Variants in DPP10 observed in about 807,000 individuals in gnomAD.
The protein encoded by DPP10 is dipeptidyl peptidase like 10, also known as inactive dipeptidyl peptidase 10.
In DPP10, 33 loss-of-function variants were observed where a neutral mutation model predicts 120.9. That is an observed-to-expected ratio of 0.27 (90% CI 0.21 to 0.37). The LOEUF (loss-of-function observed/expected upper bound fraction) is 0.37, where lower values mean the gene tolerates loss of function less well. Among genes scored for constraint, DPP10 ranks in the 10% least tolerant of loss-of-function variants. The probability of loss-of-function intolerance (pLI) is 1.00; values close to 1 mark genes in which losing one functional copy is unlikely to be tolerated. For missense variants in DPP10, 816 were observed against 942.8 expected (o/e 0.87, Z 1.76); for synonymous variants, 337 against 326.1 (o/e 1.03, Z -0.36).
At chr2:115,062,251 T>C (rs1033025) in intron 1 of DPP10, among the ~76,000 whole-genome samples, 22,171 of 151,894 alleles carry the variant, frequency 0.15, 1,725 homozygotes, top group African/African-American at 0.21. Flanking sequence ...CAAATAAATT[T>C]TGTATGAAGT....
At chr2:115,601,737 G>T (rs375941292) in intron 5 of DPP10, among the ~76,000 whole-genome samples, 2 of 151,978 alleles carry the variant, frequency 1.3e-5, no homozygotes, top group Admixed American at 1.3e-4. Flanking sequence ...GCAGTGGCAC[G>T]ACCTCAGCTC....
In DPP10 at chr2:114,546,899, T is replaced by C. The variant is rs375205575; in HGVS notation, c.60+104061T>C. Among the ~76,000 whole-genome samples the C allele has an allele frequency of 3.9e-5, 6 of 152,372 alleles. No individual in the cohort carries two copies. The East Asian group carries it at 7.7e-4, about 20-fold the overall frequency. On this transcript the variant is annotated intron_variant, in intron 1 of 25. Transcript: ENST00000410059. Reference sequence around the variant, plus strand: ...GGCCATAGGCCTGGGAAATTTAAGATGTGATCTGTCTGTTGGATTTTATTC... The same window carrying C: ...GGCCATAGGCCTGGGAAATTTAAGACGTGATCTGTCTGTTGGATTTTATTC...
At position 114,738,238 on chromosome 2, in the gene DPP10, G is replaced by C. The variant is rs375570514; in HGVS notation, c.60+295400G>C. Among the ~76,000 whole-genome samples, 4 of 152,158 alleles carry C rather than the reference G, an allele frequency of 2.6e-5. No individual in the cohort carries two copies. In the East Asian group the frequency reaches 7.7e-4, roughly 29 times the overall value. On this transcript the variant is annotated intron_variant, in intron 1 of 25. Coordinates refer to ENST00000410059, the MANE Select transcript of DPP10 (RefSeq NM_020868.6). ...ACAGTTGGACCTGAGATTTGAGTGG[G>C]AACATGGAGCCAAATCATATCAGTA...
At chr2:115,367,007 T>A (rs2065118393) in intron 3 of DPP10, among the ~76,000 whole-genome samples, 1 of 152,064 alleles carries the variant, frequency 6.6e-6, no homozygotes, top group Non-Finnish European at 1.5e-5. Flanking sequence ...TAACCCATCC[T>A]ATATACGAAG....
chr2:115,735,985 G>A (rs550124631), intron 8 of DPP10, among the ~76,000 whole-genome samples: 128 of 152,106 alleles, frequency 8.4e-4, no homozygotes, highest in Non-Finnish European at 1.4e-3. Flanking sequence ...GGCAGATGAG[G>A]ACCATCATCA....
chr2:115,062,181 T>C (rs1362475799), intron 1 of DPP10, among the ~76,000 whole-genome samples: 1 of 151,086 alleles, frequency 6.6e-6, no homozygotes, highest in Non-Finnish European at 1.5e-5. Flanking sequence ...TGTGTGTGCA[T>C]GGCTACCAAA....
intron 1 of DPP10, among the ~76,000 whole-genome samples, chr2:115,009,513 G>T (rs1255455701): frequency 6.6e-6 from 1 of 151,416 alleles, no homozygotes; most frequent in Non-Finnish European, 1.5e-5. Flanking sequence ...CACCAGCATG[G>T]CCCATGTATA....
intron 5 of DPP10, among the ~76,000 whole-genome samples, chr2:115,562,363 A>G (rs796408359): frequency 7.9e-5 from 12 of 152,232 alleles, no homozygotes; most frequent in African/African-American, 2.6e-4. Flanking sequence ...ACTTGTCTCC[A>G]ATATATTTTC....
At chr2:114,993,405 T>C (rs1400578442) in intron 1 of DPP10, among the ~76,000 whole-genome samples, 1 of 151,364 alleles carries the variant, frequency 6.6e-6, no homozygotes, top group African/African-American at 2.4e-5. Flanking sequence ...AAATTAGTCA[T>C]CTAGGGTTAA....
intron 1 of DPP10, among the ~76,000 whole-genome samples, chr2:115,004,053 C>A (rs1701637542): frequency 6.6e-6 from 1 of 152,140 alleles, no homozygotes; most frequent in Non-Finnish European, 1.5e-5. Context: ...ACATCTGAAA[C>A]TGCACTTCGT....
chr2:115,611,389 A>G (rs2084087292), intron 5 of DPP10, among the ~76,000 whole-genome samples: 1 of 152,166 alleles, frequency 6.6e-6, no homozygotes. Flanking sequence ...CTCTAGCACC[A>G]CAGTAATTAT....
Position 115,017,881 on chromosome 2 carries a change from AT to A in DPP10, c.61-291356del, listed in dbSNP as rs1702772521. Among the ~76,000 whole-genome samples, 3 of 152,048 alleles carry A rather than the reference AT, an allele frequency of 2.0e-5. No homozygotes were observed. The South Asian group carries it at 6.2e-4, about 32-fold the overall frequency. On this transcript the variant is annotated intron_variant, in intron 1 of 25. Coordinates refer to ENST00000410059, the MANE Select transcript of DPP10 (RefSeq NM_020868.6). ...GGTGGGGGGAGTGGGGAGGGATAGC[AT>A]TAGGAGATATACCTAATGTAAATGA...
At chr2:114,750,717 C>T (rs1679137200) in intron 1 of DPP10, among the ~76,000 whole-genome samples, 1 of 152,186 alleles carries the variant, frequency 6.6e-6, no homozygotes, top group Non-Finnish European at 1.5e-5. Context: ...CCAGCCTATT[C>T]TACCAAATTA....
intron 4 of DPP10, among the ~76,000 whole-genome samples, chr2:115,520,186 C>T (rs1013451142): frequency 3.9e-5 from 6 of 151,928 alleles, no homozygotes; most frequent in East Asian, 1.9e-4. Flanking sequence ...GGCGTGGTGG[C>T]GGGCACCTGT....
At chr2:115,580,724 T>A (rs2081960119) in intron 5 of DPP10, among the ~76,000 whole-genome samples, 1 of 152,234 alleles carries the variant, frequency 6.6e-6, no homozygotes. Flanking sequence ...AGTGAATCCT[T>A]CCTTTTCCAT....
intron 1 of DPP10, among the ~76,000 whole-genome samples, chr2:115,159,614 C>G (rs1397708835): frequency 1.3e-5 from 2 of 151,842 alleles, no homozygotes; most frequent in Non-Finnish European, 2.9e-5. Context: ...TAATCAGTGC[C>G]CTTAACCCAG....
intron 1 of DPP10, among the ~76,000 whole-genome samples, chr2:114,930,852 C>T (rs922103141): frequency 6.6e-6 from 1 of 152,116 alleles, no homozygotes; most frequent in Non-Finnish European, 1.5e-5. Flanking sequence ...GGCCCTTTTC[C>T]ACAACTGGCC....
chr2:115,752,243 T>C (rs1343840375), intron 10 of DPP10, among the ~76,000 whole-genome samples: 1 of 152,210 alleles, frequency 6.6e-6, no homozygotes, highest in Non-Finnish European at 1.5e-5. Flanking sequence ...AAGTAACTGA[T>C]CTGTTCTGAA....
intron 1 of DPP10, among the ~76,000 whole-genome samples, chr2:114,731,645 T>C (rs969166863): frequency 6.6e-6 from 1 of 152,128 alleles, no homozygotes; most frequent in Non-Finnish European, 1.5e-5. Context: ...AGCCATTCTG[T>C]AGGAGAACTG....
Sources: allele counts gnomAD v4.1 joint callset (sites outside exome capture counted in the v4.1 genomes callset), GRCh38; gene constraint gnomAD v4.1.1; transcripts MANE v1.5; gene names NCBI Gene and HGNC (gene_info 2026-07-23, HGNC 2026-07-21).